Variants in SCRIB observed in about 807,000 individuals in gnomAD.
SCRIB encodes protein scribble homolog.
Under a neutral mutation model 170.0 loss-of-function variants are expected in SCRIB, and 72 were observed. The ratio of observed to expected loss-of-function variants is 0.42; its 90% CI spans 0.35 to 0.52. SCRIB has a LOEUF of 0.52. Ranked by LOEUF, SCRIB falls within the 20% of genes least tolerant of loss-of-function variation. The pLI is 0.02. For missense variants in SCRIB, 2,475 were observed against 2,338.5 expected, an observed-to-expected ratio of 1.06 and a Z score of -1.20; for synonymous variants, 1,298 against 1,044.3, an observed-to-expected ratio of 1.24 and a Z score of -4.68.
intron 8 of SCRIB, 119 bp from the exon 9 acceptor site, chr8:143,812,503 G>A (rs769484712): frequency 1.6e-5 from 13 of 810,882 alleles, no homozygotes; most frequent in Middle Eastern, 2.5e-4. Flanking sequence ...TGCCGCCGCC[G>A]TACTTCGGGA....
At position 143,812,926 on chromosome 8, in the gene SCRIB, G is replaced by T. The variant is rs765553733; in HGVS notation, c.678C>A (p.Asp226Glu). The T allele has an allele frequency of 6.2e-7, 1 of 1,612,534 alleles. No homozygotes were observed. Among genetic ancestry groups the T allele is most frequent in the South Asian group, 1.1e-5 (1 of 91,062 alleles). The change falls in exon 8 of 37, where the codon GAC becomes GAA. Residue 226 changes from aspartate to glutamate, a missense_variant. By Grantham distance (45) the Asp-to-Glu change is conservative. Transcript: ENST00000356994. ...GCTCCTCCAGCCGGTTTTCCGACAC[G>T]TCCAGGCACACCAGGCGCCGCAGGT... ...LGNLRRLVCL[D>E]VSENRLEELP...
chr8:143,807,666 C>A, intron 15 of SCRIB, 52 bp from the exon 16 acceptor site: 1 of 1,386,700 alleles, frequency 7.2e-7, no homozygotes, highest in South Asian at 1.2e-5. Context: ...CCAAGACCAC[C>A]ACCACCGCCT....
intron 13 of SCRIB, among the ~76,000 whole-genome samples, chr8:143,810,025 A>G (rs1815633685): frequency 1.3e-5 from 2 of 151,812 alleles, no homozygotes; most frequent in African/African-American, 2.4e-5. Context: ...CTCCCCTCCC[A>G]TGCACGGCCC....
intron 24 of SCRIB, among the ~76,000 whole-genome samples, chr8:143,800,139 C>T (rs1020045198): frequency 6.6e-6 from 1 of 151,602 alleles, no homozygotes; most frequent in Non-Finnish European, 1.5e-5. Flanking sequence ...GCCAGGAAGC[C>T]AGACATGGCG....
intron 24 of SCRIB, among the ~76,000 whole-genome samples, chr8:143,796,216 T>C (rs1329122278): frequency 6.6e-6 from 1 of 152,054 alleles, no homozygotes; most frequent in Admixed American, 6.5e-5. Context: ...GAGGGAACCA[T>C]GGGAAGAGCT....
intron 14 of SCRIB, 46 bp from the exon 15 acceptor site, chr8:143,809,071 C>G (rs1268493502): frequency 2.6e-6 from 4 of 1,564,974 alleles, no homozygotes; most frequent in Non-Finnish European, 3.5e-6. Flanking sequence ...TGTGGCTGTG[C>G]TTCCACAGGA....
chr8:143,813,277 C>T (rs1349601444), intron 6 of SCRIB, 34 bp downstream of exon 6: 36 of 1,612,506 alleles, frequency 2.2e-5, no homozygotes, highest in Non-Finnish European at 3.0e-5. Context: ...CGTGGCCCGC[C>T]CTCCGGTCTC....
At chr8:143,808,523 G>A (rs1815538357) in intron 15 of SCRIB, 86 bp downstream of exon 15, 4 of 1,460,978 alleles carry the variant, frequency 2.7e-6, no homozygotes, top group Non-Finnish European at 3.6e-6. Context: ...CAGTGGGTCA[G>A]GCCTCGGCCC....
intron 9 of SCRIB, among the ~76,000 whole-genome samples, chr8:143,811,789 C>T (rs996167080): frequency 6.6e-6 from 1 of 152,032 alleles, no homozygotes; most frequent in African/African-American, 2.4e-5. Flanking sequence ...CAGTGAGGAA[C>T]CCCCCCGGAA....
rs776587675 is a variant in SCRIB, at chr8:143,815,319, G to C, written c.54C>G (p.Asp18Glu). 1 of 1,577,006 alleles carries C rather than the reference G, an allele frequency of 6.3e-7. No individual in the cohort carries two copies. The change falls in exon 1 of 37, where the codon GAC becomes GAG. Residue 18 changes from aspartate (D) to glutamate (E), a missense_variant. By Grantham distance (45) the Asp-to-Glu change is conservative. Around this residue, in one of 3 missense-constraint regions of SCRIB, gnomAD observed 487 missense variants for 558.1 expected, o/e 0.87. Transcript: ENST00000356994. ...CGGCCTGCAGCGAACAGTGCCGCTTGTCCACCGACTCCACGTGCCGGTTGC... is the reference window on the plus strand; with the variant it reads ...CGGCCTGCAGCGAACAGTGCCGCTTCTCCACCGACTCCACGTGCCGGTTGC... ...WRCNRHVESV[D>E]KRHCSLQAVP...
intron 26 of SCRIB, 77 bp downstream of exon 26, chr8:143,795,200 T>C (rs1203449929): frequency 8.1e-6 from 13 of 1,600,608 alleles, no homozygotes; most frequent in Non-Finnish European, 9.4e-6. Flanking sequence ...TCCTGGGGGT[T>C]ACTACCCAGC....
At chr8:143,801,497 G>A (rs1554634973) in intron 24 of SCRIB, among the ~76,000 whole-genome samples, 1 of 152,182 alleles carries the variant, frequency 6.6e-6, no homozygotes, top group Admixed American at 6.5e-5. Context: ...GAACCCAGAA[G>A]ACTTAATTTA....
Position 143,808,615 on chromosome 8 carries a change from A to G in SCRIB, c.2109T>C (p.Ser703=), listed in dbSNP as rs1250421506. The G allele has an allele frequency of 1.3e-6, 2 of 1,509,124 alleles. No individual in the cohort carries two copies. The highest frequency in any genetic ancestry group is 1.8e-6 in the Non-Finnish European group (2 of 1,129,948). 93.5% of individuals were successfully genotyped at this position (1,509,124 alleles called of 1,614,324 possible). A position where few individuals can be genotyped will look rare whatever the true frequency, so the allele number is the denominator to read the frequency against. Residue 703 remains serine, a synonymous_variant, in exon 15 of 37, where the codon TCT becomes TCC. Coordinates refer to ENST00000356994, the MANE Select transcript of SCRIB (RefSeq NM_182706.5). ...GGGTGAGGCTGACACCAACCTTGAC[A>G]GAGGGCGCAGAAACCACGGCCCCCT... is the stretch of plus-strand genomic sequence containing the variant. ...DKEGAVVSAP[S]VKGVSFDQAN... is the part of the protein sequence containing the mutation.
intron 33 of SCRIB, 32 bp from the exon 34 acceptor site, chr8:143,791,945 G>C: frequency 6.6e-7 from 1 of 1,505,126 alleles, no homozygotes; most frequent in Non-Finnish European, 8.9e-7. Flanking sequence ...ATTGGAAGCA[G>C]CCCATGCGGC....
intron 24 of SCRIB, among the ~76,000 whole-genome samples, chr8:143,795,879 G>A (rs1269748229): frequency 2.6e-5 from 4 of 152,222 alleles, no homozygotes; most frequent in South Asian, 2.1e-4. Context: ...GGGGAAGGAG[G>A]GGCGTGAGTA....
At chr8:143,807,463 G>C (rs1815479530) in intron 16 of SCRIB, 89 bp downstream of exon 16, 14 of 1,067,776 alleles carry the variant, frequency 1.3e-5, no homozygotes, top group Non-Finnish European at 1.8e-5. Context: ...CTGCGCTCAA[G>C]CAACAGGGGC....
intron 4 of SCRIB, 51 bp downstream of exon 4, chr8:143,813,586 G>A: frequency 6.2e-7 from 1 of 1,611,938 alleles, no homozygotes; most frequent in South Asian, 1.1e-5. Flanking sequence ...CAGGGGCAGG[G>A]CCAATCCTGG....
rs782041537 is a variant in SCRIB, at chr8:143,806,391, G to A, written c.2346+16C>T. 2 of 1,591,810 alleles carry A rather than the reference G, an allele frequency of 1.3e-6. No individual in the cohort carries two copies. Among genetic ancestry groups the A allele is most frequent in the Non-Finnish European group, 1.7e-6 (2 of 1,167,642 alleles). ...GGGCACAGCTGCCACTCGGGGCGGA[G>A]AGGTTGCCGACTCACCTCCAGGAGC... On this transcript the variant is annotated intron_variant, in intron 18 of 36. Transcript: ENST00000356994.
chr8:143,805,285 C>A lies in SCRIB; in HGVS notation c.2497G>T (p.Asp833Tyr). Residue 833 changes from aspartate to tyrosine, a missense_variant, in exon 19 of 37, where the codon GAT (aspartate) becomes TAT (tyrosine). Asp to Tyr is a radical substitution (Grantham distance 160, BLOSUM62 -3). Transcript: ENST00000356994. Reference sequence around the variant, plus strand: ...CCCCGCCGCTCTCGGGGGCTGTAATCATCCTCGGGCCGCAGCGGCGTGATG... The same window carrying A: ...CCCCGCCGCTCTCGGGGGCTGTAATAATCCTCGGGCCGCAGCGGCGTGATG... ...VTITPLRPED[D>Y]YSPRERRGGG... 6.4e-7 allele frequency: 1 copy of A among 1,552,594 alleles called. No individual in the cohort carries two copies. The highest frequency in any genetic ancestry group is 8.7e-7 in the Non-Finnish European group (1 of 1,155,268).
Sources: allele counts gnomAD v4.1 joint callset (sites outside exome capture counted in the v4.1 genomes callset), GRCh38; gene constraint gnomAD v4.1.1; regional missense constraint gnomAD v4.1.1; transcripts MANE v1.5; gene names NCBI Gene and HGNC (gene_info 2026-07-23, HGNC 2026-07-21).